TRPV4: variants seen among roughly 807,000 people sequenced by gnomAD.
The protein encoded by TRPV4 is transient receptor potential cation channel subfamily V member 4.
TRPV4 carries 58 observed loss-of-function variants against 84.1 expected under a neutral mutation model. The observed-to-expected ratio is 0.69, with a 90% CI of 0.56 to 0.86. TRPV4 has a LOEUF of 0.86. Among genes scored for constraint, TRPV4 ranks in the 40% least tolerant of loss-of-function variants. The pLI, the probability that TRPV4 is intolerant of heterozygous loss-of-function variation, is 0.00. For missense variants in TRPV4, 879 were observed against 1,181.1 expected (o/e 0.74, Z 3.75); for synonymous variants, 489 against 500.9 (o/e 0.98, Z 0.32).
At chr12:109,795,708 C>T (rs1890346457) in intron 7 of TRPV4, among the ~76,000 whole-genome samples, 2 of 152,096 alleles carry the variant, frequency 1.3e-5, no homozygotes, top group Admixed American at 1.3e-4. Context: ...TCACAAAATA[C>T]TGCTAAGTAG....
chr12:109,817,172 C>T (rs980068255), intron 1 of TRPV4, among the ~76,000 whole-genome samples: 2 of 152,118 alleles, frequency 1.3e-5, no homozygotes, highest in African/African-American at 4.8e-5. Flanking sequence ...CTTTGCTCTG[C>T]AGGAATGGGG....
At chr12:109,784,531 T>C in intron 14 of TRPV4, 94 bp from the exon 15 acceptor site, 1 of 1,589,228 alleles carries the variant, frequency 6.3e-7, no homozygotes, top group Non-Finnish European at 8.6e-7. Flanking sequence ...TTTATTATGG[T>C]AACATATACA....
At chr12:109,784,227 C>A in intron 15 of TRPV4, 89 bp downstream of exon 15, 1 of 1,590,338 alleles carries the variant, frequency 6.3e-7, no homozygotes, top group South Asian at 1.1e-5. Context: ...GACACGGACA[C>A]TGAGTCCCGG....
chr12:109,809,203 C>T (rs1345888159), intron 2 of TRPV4, among the ~76,000 whole-genome samples: 4 of 147,008 alleles, frequency 2.7e-5, no homozygotes, highest in South Asian at 2.2e-4. Context: ...CTTATCCATC[C>T]GTCCATCACT....
chr12:109,826,384 C>T (rs923605822), intron 1 of TRPV4, among the ~76,000 whole-genome samples: 14 of 152,268 alleles, frequency 9.2e-5, no homozygotes, highest in African/African-American at 3.1e-4. Flanking sequence ...GTCTCCATTC[C>T]CAGATGTATA....
At chr12:109,825,467 T>C in intron 1 of TRPV4, among the ~76,000 whole-genome samples, 1 of 152,140 alleles carries the variant, frequency 6.6e-6, no homozygotes. Context: ...CCATTCTTGC[T>C]AACATTCCCT....
At position 109,783,782 on chromosome 12, in the gene TRPV4, C is replaced by CTGGT; in HGVS notation, c.2459-5_2459-4insACCA. 1 of 1,611,054 alleles carries CTGGT rather than the reference C, an allele frequency of 6.2e-7. No homozygotes were observed. Among genetic ancestry groups the CTGGT allele is most frequent in the South Asian group, 1.1e-5 (1 of 91,054 alleles). On this transcript the variant is annotated splice_region_variant and splice_polypyrimidine_tract_variant and intron_variant, in intron 15 of 15. Transcript: ENST00000261740. This position sits in a 1 kb window ranked among gnomAD's most constrained non-coding sequence, Gnocchi z 4.6. ...GGTACCACCGAGGACCAGCGATCTG[C>CTGGT]ACCGAGAGCACATCAGAGGGAGGGG...
intron 3 of TRPV4, among the ~76,000 whole-genome samples, chr12:109,807,875 AG>A (rs1215569847): frequency 1.3e-5 from 2 of 152,094 alleles, no homozygotes; most frequent in African/African-American, 4.8e-5. Context: ...GGGGAGCAGG[AG>A]CTCCAGGACT....
chr12:109,822,695 T>A (rs948525319), intron 1 of TRPV4, among the ~76,000 whole-genome samples: 1 of 152,178 alleles, frequency 6.6e-6, no homozygotes, highest in Admixed American at 6.5e-5. Flanking sequence ...TCGCAGTCCC[T>A]GACGAACCAC....
chr12:109,794,942 T>C (rs1435244372), intron 7 of TRPV4, among the ~76,000 whole-genome samples: 2 of 152,140 alleles, frequency 1.3e-5, no homozygotes, highest in Non-Finnish European at 2.9e-5. Flanking sequence ...CACTTGAACC[T>C]GGGAGGCGGA....
In TRPV4 at chr12:109,793,870, A is replaced by G; in HGVS notation, c.1584+60T>C. The stretch of plus-strand genomic sequence containing the variant: ...GAAGAGAAAAAGAGGGAGAGAAAAG[A>G]GGTGCAGGAAGAGAAGAGGAGGGCA... On this transcript the variant is annotated intron_variant, in intron 9 of 15. Coordinates refer to ENST00000261740, the MANE Select transcript of TRPV4 (RefSeq NM_021625.5). The surrounding 1 kb of genome is among the most constrained non-coding windows in gnomAD (Gnocchi z 4.0). The G allele has an allele frequency of 8.4e-7, 1 of 1,187,406 alleles. No homozygotes were observed. The highest frequency in any genetic ancestry group is 1.5e-5 in the African/African-American group (1 of 65,078). The allele number at this position is 1,187,406 out of a possible 1,614,324, so 73.6% of individuals were successfully genotyped here.
At chr12:109,795,411 C>G (rs117042355) in intron 7 of TRPV4, among the ~76,000 whole-genome samples, 38 of 152,344 alleles carry the variant, frequency 2.5e-4, no homozygotes, top group Non-Finnish European at 4.4e-4. Context: ...GCCAAGCTCA[C>G]AGACCAGTAA....
intron 3 of TRPV4, among the ~76,000 whole-genome samples, chr12:109,804,778 A>G (rs1891016073): frequency 6.6e-6 from 1 of 152,110 alleles, no homozygotes; most frequent in Admixed American, 6.5e-5. Flanking sequence ...TCCCTCTCAC[A>G]TGCCTAAGAC....
intron 12 of TRPV4, among the ~76,000 whole-genome samples, chr12:109,789,045 TA>T (rs1889878671): frequency 6.6e-6 from 1 of 152,186 alleles, no homozygotes; most frequent in Non-Finnish European, 1.5e-5. Context: ...CCACTACTGA[TA>T]AGCGTAGGAG....
At chr12:109,790,325 G>A (rs2047504558) in intron 12 of TRPV4, among the ~76,000 whole-genome samples, 1 of 152,164 alleles carries the variant, frequency 6.6e-6, no homozygotes, top group South Asian at 2.1e-4. Flanking sequence ...GCTGGGCATT[G>A]ATGTCAGATT....
At chr12:109,811,226 T>A (rs575104217) in intron 2 of TRPV4, among the ~76,000 whole-genome samples, 1 of 152,274 alleles carries the variant, frequency 6.6e-6, no homozygotes, top group Admixed American at 6.5e-5. Flanking sequence ...ACATGGCACA[T>A]CCATGTGCTC....
At chr12:109,816,520 G>A (rs1258501937) in intron 1 of TRPV4, among the ~76,000 whole-genome samples, 5 of 152,216 alleles carry the variant, frequency 3.3e-5, no homozygotes. Context: ...GCTCACGCCT[G>A]TAACCCCAGC....
intron 1 of TRPV4, among the ~76,000 whole-genome samples, chr12:109,830,303 C>T (rs185133392): frequency 2.5e-4 from 38 of 152,380 alleles, no homozygotes; most frequent in African/African-American, 8.7e-4. Context: ...AGATTTCACC[C>T]TCTAGACCTC....
rs1420389688 is a variant in TRPV4, at chr12:109,815,821, G to A, written c.-31-994C>T. Among the ~76,000 whole-genome samples, 1 of 152,242 alleles carries A rather than the reference G, an allele frequency of 6.6e-6. No homozygotes were observed. Among genetic ancestry groups the A allele is most frequent in the Non-Finnish European group, 1.5e-5 (1 of 68,044 alleles). ...TTGTTCCCATTTCTCAGATGAGGAA[G>A]CAGCTTTCAAAGGCAGCAAACAGCT... On this transcript the variant is annotated intron_variant, in intron 1 of 15. Coordinates refer to ENST00000261740, the MANE Select transcript of TRPV4 (RefSeq NM_021625.5). The surrounding 1 kb of genome is among the most constrained non-coding windows in gnomAD (Gnocchi z 4.1).
Sources: allele counts gnomAD v4.1 joint callset (sites outside exome capture counted in the v4.1 genomes callset), GRCh38; gene constraint gnomAD v4.1.1; non-coding constraint Gnocchi (gnomAD v3.1); transcripts MANE v1.5; gene names NCBI Gene and HGNC (gene_info 2026-07-23, HGNC 2026-07-21).